The following BIVM variants were observed in gnomAD, a reference collection of about 807,000 sequenced individuals.
The protein encoded by BIVM is basic, immunoglobulin-like variable motif containing.
A neutral mutation model predicts 61.4 loss-of-function variants in BIVM; 31 were observed. The observed-to-expected ratio is 0.51, with a 90% CI of 0.38 to 0.68. The LOEUF is 0.68. Among genes scored for constraint, BIVM ranks in the 30% least tolerant of loss-of-function variants. BIVM has a pLI of 0.00. For synonymous variants in BIVM, 189 were observed against 210.7 expected, an observed-to-expected ratio of 0.90 and a Z score of 0.89; for missense variants, 526 against 596.0, an observed-to-expected ratio of 0.88 and a Z score of 1.22.
intron 5 of BIVM, 147 bp downstream of exon 5, chr13:102,821,279 T>C: frequency 2.9e-6 from 2 of 697,020 alleles, no homozygotes; most frequent in Non-Finnish European, 4.6e-6. Flanking sequence ...GCTTAAAATA[T>C]ATACATGTAT....
chr13:102,813,429 T>C (rs1879635869), intron 3 of BIVM, among the ~76,000 whole-genome samples: 3 of 152,210 alleles, frequency 2.0e-5, no homozygotes, highest in Non-Finnish European at 4.4e-5. Flanking sequence ...AGTTCTAGAA[T>C]TTACATTTTT....
At chr13:102,826,625 A>G (rs1419795436) in intron 7 of BIVM, among the ~76,000 whole-genome samples, 2 of 152,222 alleles carry the variant, frequency 1.3e-5, no homozygotes, top group Non-Finnish European at 2.9e-5. Context: ...GAAAGCTATT[A>G]CAATACAGTT....
intron 7 of BIVM, among the ~76,000 whole-genome samples, chr13:102,830,613 T>C (rs1316486117): frequency 1.3e-5 from 2 of 152,200 alleles, no homozygotes; most frequent in African/African-American, 4.8e-5. Context: ...AGATGTTATC[T>C]TGTCACTTGG....
intron 3 of BIVM, among the ~76,000 whole-genome samples, chr13:102,815,272 T>C (rs1360156231): frequency 1.3e-5 from 2 of 152,198 alleles, no homozygotes; most frequent in African/African-American, 4.8e-5. Context: ...TATATGTATA[T>C]AATCTATTTT....
Position 102,826,506 on chromosome 13 carries a change from C to G in BIVM, c.901+4347C>G, listed in dbSNP as rs1880679661. 1.3e-5 allele frequency among the ~76,000 whole-genome samples: 2 copies of G among 152,170 alleles called. 1 individual carries two copies. The highest frequency in any genetic ancestry group is 4.1e-4 in the South Asian group (2 of 4,834). ...TCTCAGAATCACTTCCTAACTGATT[C>G]ATAGGGTGGCTTTATATCTCTTTTA... On this transcript the variant is annotated intron_variant, in intron 7 of 10. Coordinates refer to ENST00000257336, the MANE Select transcript of BIVM (RefSeq NM_017693.4).
intron 8 of BIVM, among the ~76,000 whole-genome samples, 176 bp downstream of exon 8, chr13:102,831,873 C>CAAAAAAAAAA (rs67223159): frequency 3.8e-5 from 4 of 105,532 alleles, no homozygotes; most frequent in African/African-American, 7.2e-5. Flanking sequence ...ACTAAAAATA[C>CAAAAAAAAAA]AAAAAAAAAA....
At chr13:102,834,613 C>A in intron 9 of BIVM, 61 bp downstream of exon 9, 1 of 1,462,590 alleles carries the variant, frequency 6.8e-7, no homozygotes, top group Non-Finnish European at 9.2e-7. Context: ...GTGAAATGCA[C>A]AGATCTTAGT....
At chr13:102,804,303 G>A (rs765369399) in intron 1 of BIVM, among the ~76,000 whole-genome samples, 10 of 149,494 alleles carry the variant, frequency 6.7e-5, no homozygotes, top group South Asian at 2.1e-4. Flanking sequence ...CGTCACTACC[G>A]CCTGGCTAAT....
In BIVM at chr13:102,807,758, C is replaced by T; in HGVS notation, c.478+13C>T. The T allele has an allele frequency of 6.3e-7, 1 of 1,588,794 alleles. No individual in the cohort carries two copies. Among genetic ancestry groups the T allele is most frequent in the Non-Finnish European group, 8.6e-7 (1 of 1,168,100 alleles). ...AAACACAAATCAGGTAAGGAGGGAG[C>T]CATGAAGTTCATATGTGAAAATAAT... On this transcript the variant is annotated intron_variant, in intron 3 of 10. Coordinates refer to ENST00000257336, the MANE Select transcript of BIVM (RefSeq NM_017693.4). This position sits in a 1 kb window ranked among gnomAD's most constrained non-coding sequence, Gnocchi z 4.0.
intron 1 of BIVM, chr13:102,800,294 T>A (rs1204993495): frequency 6.6e-6 from 1 of 152,106 alleles, no homozygotes; most frequent in East Asian, 1.9e-4. Context: ...GGCAAGCATG[T>A]TCGAGGCGGT....
intron 8 of BIVM, among the ~76,000 whole-genome samples, chr13:102,833,083 A>T: frequency 6.6e-6 from 1 of 151,660 alleles, no homozygotes; most frequent in African/African-American, 2.4e-5. Context: ...ACATAGTGAG[A>T]CCCTGTCTCT....
chr13:102,828,714 T>TC (rs1423598347), intron 7 of BIVM, among the ~76,000 whole-genome samples: 3 of 116,744 alleles, frequency 2.6e-5, no homozygotes, highest in African/African-American at 8.6e-5. Context: ...CCTGCTGTCC[T>TC]CCATGTACCA....
At chr13:102,826,584 C>T (rs773967857) in intron 7 of BIVM, among the ~76,000 whole-genome samples, 47 of 152,226 alleles carry the variant, frequency 3.1e-4, no homozygotes, top group Non-Finnish European at 5.4e-4. Context: ...ATCACTGGAA[C>T]GAATGTCATA....
At chr13:102,804,528 G>T (rs971379051) in intron 1 of BIVM, among the ~76,000 whole-genome samples, 1 of 152,164 alleles carries the variant, frequency 6.6e-6, no homozygotes, top group Non-Finnish European at 1.5e-5. Flanking sequence ...GTGCCAGGCT[G>T]GTCTCGAACT....
intron 1 of BIVM, 52 bp downstream of exon 1, chr13:102,799,573 G>C (rs978908949): frequency 1.3e-5 from 2 of 152,354 alleles, no homozygotes; most frequent in African/African-American, 4.8e-5. Flanking sequence ...TGTGCGCTCT[G>C]AGCGCCTGGC....
chr13:102,799,757 C>T (rs1020815686), intron 1 of BIVM, among the ~76,000 whole-genome samples: 1 of 152,218 alleles, frequency 6.6e-6, no homozygotes, highest in Non-Finnish European at 1.5e-5. Flanking sequence ...CGCGCTCTCC[C>T]GGGAAGGAGT....
intron 8 of BIVM, 121 bp downstream of exon 8, chr13:102,831,818 A>C (rs1881092269): frequency 4.1e-6 from 4 of 979,026 alleles, no homozygotes; most frequent in Admixed American, 5.1e-5. Flanking sequence ...TCACGAGGTC[A>C]GAAGATCGAG....
intron 7 of BIVM, among the ~76,000 whole-genome samples, chr13:102,829,527 T>C (rs1025414817): frequency 2.0e-5 from 3 of 152,138 alleles, no homozygotes; most frequent in Admixed American, 1.3e-4. Flanking sequence ...CTTGGACAAC[T>C]ACCTTAATGT....
chr13:102,828,469 C>A (rs1880828534), intron 7 of BIVM, among the ~76,000 whole-genome samples: 1 of 152,202 alleles, frequency 6.6e-6, no homozygotes, highest in Admixed American at 6.5e-5. Flanking sequence ...CACATCGCTT[C>A]ACCATGATTG....
Sources: gnomAD v4.1 joint callset for allele counts (sites outside exome capture counted in the v4.1 genomes callset) on GRCh38, gnomAD v4.1.1 for gene constraint, Gnocchi (gnomAD v3.1) non-coding constraint, MANE v1.5 for transcripts, NCBI Gene and HGNC (gene_info 2026-07-23, HGNC 2026-07-21) for gene names.